Variants in GPCPD1 observed in about 807,000 individuals in gnomAD.
The protein encoded by GPCPD1 is glycerophosphocholine phosphodiesterase GPCPD1.
Under a neutral mutation model 89.2 loss-of-function variants are expected in GPCPD1, and 29 were observed. That is an observed-to-expected ratio of 0.33 (90% confidence interval 0.24 to 0.44). The LOEUF (loss-of-function observed/expected upper bound fraction) is 0.44. GPCPD1 is among the 20% of genes least tolerant of loss of function. The pLI is 1.00. For synonymous variants in GPCPD1, 258 were observed against 266.3 expected (o/e 0.97, Z 0.30); for missense variants, 594 against 808.9 (o/e 0.73, Z 3.22).
intron 19 of GPCPD1, among the ~76,000 whole-genome samples, chr20:5,549,834 A>G (rs1032005097): frequency 3.3e-5 from 5 of 151,966 alleles, no homozygotes; most frequent in African/African-American, 7.3e-5. Context: ...AAATATATGG[A>G]AAAAAATGCA....
chr20:5,605,686 G>A (rs1428223835), intron 1 of GPCPD1, among the ~76,000 whole-genome samples: 1 of 152,144 alleles, frequency 6.6e-6, no homozygotes. Context: ...GCTGAGGCAG[G>A]AGAATTGCTT....
At position 5,582,186 on chromosome 20, in the gene GPCPD1, C is replaced by CAAAAAAA. The variant is rs1164754193; in HGVS notation, c.350-2062_350-2056dup. 2.1e-3 allele frequency among the ~76,000 whole-genome samples: 77 copies of CAAAAAAA among 36,272 alleles called. 9 individuals carry two copies. Among genetic ancestry groups the CAAAAAAA allele is most frequent in the African/African-American group, 5.9e-3 (54 of 9,100 alleles). 23.8% of individuals were successfully genotyped at this position (36,272 alleles called of 152,430 possible). On this transcript the variant is annotated intron_variant, in intron 6 of 19. Coordinates refer to ENST00000379019, the MANE Select transcript of GPCPD1 (RefSeq NM_019593.5). ...GGGCGACAGAGCGAGACTCCCGTCT[C>CAAAAAAA]AAAAAAAAAAAAAAAAAAAAAAAAA...
intron 2 of GPCPD1, among the ~76,000 whole-genome samples, chr20:5,599,325 G>A (rs533631191): frequency 3.7e-4 from 57 of 152,124 alleles, no homozygotes; most frequent in South Asian, 2.5e-3. Context: ...TGAGGTGGGC[G>A]TGTGGGGGCA....
At chr20:5,584,138 C>A (rs1017732658) in intron 6 of GPCPD1, 143 bp downstream of exon 6, 2 of 497,754 alleles carry the variant, frequency 4.0e-6, no homozygotes, top group African/African-American at 2.0e-5. Context: ...TGCTGCTGCA[C>A]GTGTGGCCTG....
chr20:5,586,727 G>C (rs1193312952), intron 4 of GPCPD1, among the ~76,000 whole-genome samples: 1 of 152,058 alleles, frequency 6.6e-6, no homozygotes, highest in Non-Finnish European at 1.5e-5. Flanking sequence ...GTAGGAACAA[G>C]TACTCAAGAA....
intron 16 of GPCPD1, among the ~76,000 whole-genome samples, chr20:5,560,871 T>A (rs577862521): frequency 6.6e-6 from 1 of 152,210 alleles, no homozygotes; most frequent in African/African-American, 2.4e-5. Flanking sequence ...ATATTCTCTC[T>A]GATATATTCA....
At chr20:5,556,372 A>C (rs1415076454) in intron 19 of GPCPD1, among the ~76,000 whole-genome samples, 1 of 151,970 alleles carries the variant, frequency 6.6e-6, no homozygotes, top group African/African-American at 2.4e-5. Context: ...CACCCGGCTA[A>C]TTTTTGTATT....
chr20:5,575,693 G>A, intron 9 of GPCPD1, 123 bp downstream of exon 9: 1 of 861,490 alleles, frequency 1.2e-6, no homozygotes, highest in Non-Finnish European at 1.8e-6. Context: ...TAACAGACAT[G>A]CTCCTTAAAT....
intron 4 of GPCPD1, among the ~76,000 whole-genome samples, chr20:5,591,732 C>G (rs1023058497): frequency 6.6e-6 from 1 of 152,128 alleles, no homozygotes; most frequent in African/African-American, 2.4e-5. Flanking sequence ...GCGCCACCAA[C>G]TTTTTTAAAG....
chr20:5,594,585 C>T (rs964747166), intron 3 of GPCPD1, among the ~76,000 whole-genome samples: 22 of 151,582 alleles, frequency 1.5e-4, no homozygotes, highest in African/African-American at 4.6e-4. Flanking sequence ...AGCCACCAGG[C>T]CCGGCCGCCT....
chr20:5,602,959 G>A (rs553073145), intron 2 of GPCPD1, among the ~76,000 whole-genome samples: 19 of 146,912 alleles, frequency 1.3e-4, no homozygotes, highest in Non-Finnish European at 2.1e-4. Context: ...CTCCAGCCTA[G>A]GCAACAGAGT....
intron 6 of GPCPD1, among the ~76,000 whole-genome samples, chr20:5,581,800 T>C (rs897314510): frequency 6.8e-6 from 1 of 148,024 alleles, no homozygotes; most frequent in Non-Finnish European, 1.5e-5. Flanking sequence ...TGCTTAATAA[T>C]TGTGGGACTT....
At chr20:5,548,152 A>G in intron 19 of GPCPD1, 1 of 180,064 alleles carries the variant, frequency 5.6e-6, no homozygotes, top group Non-Finnish European at 1.2e-5. Context: ...GATCTAGCTT[A>G]AAGTATTTGC....
chr20:5,575,060 ATGT>A (rs1600747519), intron 10 of GPCPD1, among the ~76,000 whole-genome samples: 2 of 152,074 alleles, frequency 1.3e-5, no homozygotes, highest in East Asian at 1.9e-4. Flanking sequence ...ACTTGGGATA[ATGT>A]TGTCCAAATC....
intron 16 of GPCPD1, among the ~76,000 whole-genome samples, chr20:5,560,607 T>C (rs564405814): frequency 1.3e-5 from 2 of 152,322 alleles, no homozygotes; most frequent in African/African-American, 2.4e-5. Context: ...TTTTAAGTAT[T>C]AGTCACTGAA....
chr20:5,576,225 T>C (rs1336796798), intron 8 of GPCPD1, among the ~76,000 whole-genome samples: 1 of 151,916 alleles, frequency 6.6e-6, no homozygotes, highest in Non-Finnish European at 1.5e-5. Flanking sequence ...TTGATACTAG[T>C]CTGGCTAACA....
Position 5,578,597 on chromosome 20 carries a change from A to G in GPCPD1, c.488T>C (p.Leu163Pro). The G allele has an allele frequency of 6.2e-7, 1 of 1,607,112 alleles. No individual in the cohort carries two copies. Among genetic ancestry groups the G allele is most frequent in the South Asian group, 1.1e-5 (1 of 90,922 alleles). The change falls in exon 8 of 20, where the codon CTA (leucine) becomes CCA (proline). Residue 163 changes from leucine (L) to proline (P), a missense_variant. Coordinates refer to ENST00000379019, the MANE Select transcript of GPCPD1 (RefSeq NM_019593.5). ...KKSRFRVKLT[L>P]EGLEEDDDDR... ...ATCGTCATCTTCCTCCAGGCCTTCT[A>G]GTGTCAGCTTCACCCTACGTAATAA...
chr20:5,552,947 C>T (rs1299403815), intron 19 of GPCPD1, among the ~76,000 whole-genome samples: 3 of 152,186 alleles, frequency 2.0e-5, no homozygotes. Context: ...CAAGCACAGG[C>T]AATCTTCGTC....
At chr20:5,592,847 C>T (rs1372800586) in intron 4 of GPCPD1, among the ~76,000 whole-genome samples, 1 of 152,008 alleles carries the variant, frequency 6.6e-6, no homozygotes, top group African/African-American at 2.4e-5. Flanking sequence ...TTATCAATAA[C>T]ATCTTTGAAA....
Sources: allele counts gnomAD v4.1 joint callset (sites outside exome capture counted in the v4.1 genomes callset), GRCh38; gene constraint gnomAD v4.1.1; transcripts MANE v1.5; gene names NCBI Gene and HGNC (gene_info 2026-07-23, HGNC 2026-07-21).